The following PTPRO variants were observed in gnomAD, a reference collection of about 807,000 sequenced individuals.
PTPRO encodes the protein receptor-type tyrosine-protein phosphatase O.
In PTPRO, 62 loss-of-function variants were observed where a neutral mutation model predicts 145.2. The observed-to-expected ratio is 0.43, with a 90% confidence interval of 0.35 to 0.53. The LOEUF (loss-of-function observed/expected upper bound fraction) is 0.53. Ranked by LOEUF, PTPRO falls within the 20% of genes least tolerant of loss-of-function variation. The pLI is 0.01. For missense variants in PTPRO, 1,345 were observed against 1,482.7 expected (o/e 0.91, Z 1.53); for synonymous variants, 565 against 514.7 (o/e 1.10, Z -1.32).
chr12:15,384,144 G>A (rs1938949868), intron 1 of PTPRO, among the ~76,000 whole-genome samples: 1 of 152,128 alleles, frequency 6.6e-6, no homozygotes, highest in African/African-American at 2.4e-5. Context: ...GCCTGAACTA[G>A]ATTTTAAGTT....
intron 1 of PTPRO, among the ~76,000 whole-genome samples, chr12:15,433,727 T>C (rs144925560): frequency 4.9e-4 from 75 of 152,344 alleles, no homozygotes; most frequent in African/African-American, 1.6e-3. Flanking sequence ...TATCTGTTTT[T>C]GTACCAATAC....
At chr12:15,511,871 C>T (rs879693247) in intron 7 of PTPRO, among the ~76,000 whole-genome samples, 7 of 151,682 alleles carry the variant, frequency 4.6e-5, no homozygotes, top group Non-Finnish European at 7.4e-5. Flanking sequence ...GCTATAATGG[C>T]GTATTTAAAC....
chr12:15,342,739 A>G (rs1867044747), intron 1 of PTPRO, among the ~76,000 whole-genome samples: 1 of 151,920 alleles, frequency 6.6e-6, no homozygotes, highest in Non-Finnish European at 1.5e-5. Context: ...CAATCCCAGC[A>G]CCTTCCTTGA....
At chr12:15,340,490 G>A (rs909533681) in intron 1 of PTPRO, among the ~76,000 whole-genome samples, 3 of 152,098 alleles carry the variant, frequency 2.0e-5, no homozygotes, top group Non-Finnish European at 4.4e-5. Flanking sequence ...TTTTCTGTCC[G>A]TCAATCTGTC....
chr12:15,483,909 C>G, intron 1 of PTPRO, 65 bp from the exon 2 acceptor site: 6 of 1,510,060 alleles, frequency 4.0e-6, no homozygotes, highest in Non-Finnish European at 5.5e-6. Flanking sequence ...ATTATCTTAG[C>G]ATAACTTTAT....
At chr12:15,439,747 C>G (rs1940704945) in intron 1 of PTPRO, 1 of 563,002 alleles carries the variant, frequency 1.8e-6, no homozygotes, top group Non-Finnish European at 3.4e-6. Context: ...ACATGAAGAT[C>G]AAGTCCCTGG....
chr12:15,374,467 C>T (rs1276602280), intron 1 of PTPRO, among the ~76,000 whole-genome samples: 2 of 152,066 alleles, frequency 1.3e-5, no homozygotes, highest in South Asian at 2.1e-4. Flanking sequence ...TTTAACTTGA[C>T]CTTAAACCCT....
rs2136483673 is a variant in PTPRO, at chr12:15,508,635, A to T, written c.1332A>T (p.Leu444Phe). 1 of 1,614,068 alleles carries T rather than the reference A, an allele frequency of 6.2e-7. No individual in the cohort carries two copies. Among genetic ancestry groups the T allele is most frequent in the East Asian group, 2.2e-5 (1 of 44,860 alleles). ...CGCAGCACGTGAGTGTCCACGTTTT[A>T]AGCTCAACCACTGCCTTGATGTCCT... The part of the protein sequence containing the change: ...EKPQHVSVHV[L>F]SSTTALMSWT... Residue 444 changes from leucine (L) to phenylalanine (F), a missense_variant, in exon 7 of 27, where the codon TTA becomes TTT. Physicochemically the swap from Leu to Phe is conservative, Grantham distance 22. This residue lies in a region of PTPRO where 1,130 missense variants were observed against 1,214.7 expected (regional missense o/e 0.93). Transcript: ENST00000281171.
chr12:15,411,234 A>G (rs1272916819), intron 1 of PTPRO, among the ~76,000 whole-genome samples: 2 of 152,194 alleles, frequency 1.3e-5, no homozygotes, highest in African/African-American at 4.8e-5. Context: ...AAATTGTTCT[A>G]TTCAGGCAAC....
chr12:15,394,314 T>C (rs2136290591), intron 1 of PTPRO, among the ~76,000 whole-genome samples: 1 of 152,094 alleles, frequency 6.6e-6, no homozygotes, highest in Admixed American at 6.5e-5. Context: ...GCAATAAATG[T>C]ATATTATTCT....
intron 25 of PTPRO, among the ~76,000 whole-genome samples, chr12:15,593,253 G>A (rs761465685): frequency 3.1e-4 from 47 of 152,276 alleles, no homozygotes; most frequent in Non-Finnish European, 3.1e-4. Flanking sequence ...AGTGATGTTC[G>A]AAATATTAAT....
At chr12:15,402,671 T>A (rs1362830071) in intron 1 of PTPRO, among the ~76,000 whole-genome samples, 1 of 152,152 alleles carries the variant, frequency 6.6e-6, no homozygotes, top group Non-Finnish European at 1.5e-5. Context: ...TTCTACATAA[T>A]CAGGGTGACA....
chr12:15,353,081 C>G (rs1937862860), intron 1 of PTPRO, among the ~76,000 whole-genome samples: 1 of 152,254 alleles, frequency 6.6e-6, no homozygotes, highest in East Asian at 1.9e-4. Context: ...TGAGTGTTTC[C>G]TCACATGTAA....
chr12:15,518,345 G>T (rs1942643294), intron 9 of PTPRO, among the ~76,000 whole-genome samples: 1 of 152,216 alleles, frequency 6.6e-6, no homozygotes, highest in African/African-American at 2.4e-5. Flanking sequence ...CAGGGACCCT[G>T]GGCCTGGGCC....
chr12:15,524,897 G>A lies in PTPRO; in HGVS notation c.1975G>A (p.Asp659Asn). The A allele has an allele frequency of 1.2e-6, 2 of 1,613,850 alleles. No homozygotes were observed. Among genetic ancestry groups the A allele is most frequent in the Non-Finnish European group, 1.7e-6 (2 of 1,179,786 alleles). ...ISWTYGDDTT[D>N]LSHSRMLHWM... ...TTGGACATATGGGGATGATACAACG[G>A]ACTTGTCCCATTCTAGAATGCTTCA... The change falls in exon 11 of 27, where the codon GAC becomes AAC. Residue 659 changes from aspartate to asparagine, a missense_variant. Around this residue, in one of 3 missense-constraint regions of PTPRO, gnomAD observed 1,130 missense variants for 1,214.7 expected, o/e 0.93. Coordinates refer to ENST00000281171, the MANE Select transcript of PTPRO (RefSeq NM_030667.3).
chr12:15,432,191 C>A (rs1940459760), intron 1 of PTPRO, among the ~76,000 whole-genome samples: 1 of 152,120 alleles, frequency 6.6e-6, no homozygotes, highest in African/African-American at 2.4e-5. Flanking sequence ...GTCCATTGTT[C>A]CCCTCTATGT....
In PTPRO at chr12:15,508,753, C is replaced by T; in HGVS notation, c.1450C>T (p.Gln484Ter). The T allele has an allele frequency of 6.2e-7, 1 of 1,614,020 alleles. No homozygotes were observed. The highest frequency in any genetic ancestry group is 8.5e-7 in the Non-Finnish European group (1 of 1,179,982). Residue 484 changes from glutamine (Q) to a stop codon, truncating the protein, a stop_gained, in exon 7 of 27, where the codon CAG (glutamine) becomes TAG (stop). Transcript: ENST00000281171. LOFTEE classifies it high-confidence loss of function. ...AAAGGAGAGCCAGAGGCTTGAAAAG[C>T]AGTACTGCACTCAGGTAAAGGAGAG... ...KQKESQRLEK[Q>*]YCTQVNSSKP...
At chr12:15,442,877 C>A (rs1173510297) in intron 1 of PTPRO, among the ~76,000 whole-genome samples, 1 of 152,026 alleles carries the variant, frequency 6.6e-6, no homozygotes, top group Non-Finnish European at 1.5e-5. Context: ...GAATCAATAT[C>A]ATTAAATTGG....
At chr12:15,582,807 T>C (rs1463605799) in intron 23 of PTPRO, among the ~76,000 whole-genome samples, 1 of 152,208 alleles carries the variant, frequency 6.6e-6, no homozygotes. Context: ...CTTGAAGGGC[T>C]ATTGATTTCT....
Sources: gnomAD v4.1 joint callset for allele counts (sites outside exome capture counted in the v4.1 genomes callset) on GRCh38, gnomAD v4.1.1 for gene constraint, gnomAD v4.1.1 regional missense constraint, MANE v1.5 for transcripts, NCBI Gene and HGNC (gene_info 2026-07-23, HGNC 2026-07-21) for gene names.